The following SCHIP1 variants were observed in gnomAD, a reference collection of about 807,000 sequenced individuals.
SCHIP1 encodes schwannomin-interacting protein 1.
Under a neutral mutation model 29.7 loss-of-function variants are expected in SCHIP1, and 8 were observed. The observed-to-expected ratio is 0.27, with a 90% CI of 0.16 to 0.49. The LOEUF (loss-of-function observed/expected upper bound fraction) is 0.49, where lower values mean the gene tolerates loss of function less well. Ranked by LOEUF, SCHIP1 falls within the 20% of genes least tolerant of loss-of-function variation. The pLI is 0.99. For missense variants in SCHIP1, 193 were observed against 294.6 expected, an observed-to-expected ratio of 0.66 and a Z score of 2.52; for synonymous variants, 76 against 94.9, an observed-to-expected ratio of 0.80 and a Z score of 1.16.
the SCHIP1 span, among the ~76,000 whole-genome samples, chr3:159,508,145 C>A: frequency 4.6e-5 from 7 of 152,116 alleles, no homozygotes; most frequent in African/African-American, 1.7e-4. Flanking sequence ...AATTTCGGAG[C>A]CTGTTATTGG....
At chr3:159,557,062 A>G in the SCHIP1 span, among the ~76,000 whole-genome samples, 3 of 151,282 alleles carry the variant, frequency 2.0e-5, no homozygotes, top group African/African-American at 4.9e-5. Context: ...GGTTCACGCC[A>G]TTCTCCTGCC....
At chr3:159,462,157 T>C in the SCHIP1 span, among the ~76,000 whole-genome samples, 1 of 151,850 alleles carries the variant, frequency 6.6e-6, no homozygotes, top group Non-Finnish European at 1.5e-5. Flanking sequence ...TGCAGTGAGC[T>C]GAGATCGCAC....
At chr3:159,558,931 T>G in the SCHIP1 span, among the ~76,000 whole-genome samples, 1 of 152,072 alleles carries the variant, frequency 6.6e-6, no homozygotes, top group African/African-American at 2.4e-5. Flanking sequence ...ATAAATATAG[T>G]AATGAGCCCA....
the SCHIP1 span, among the ~76,000 whole-genome samples, chr3:159,461,965 T>A: frequency 6.6e-6 from 1 of 152,106 alleles, no homozygotes; most frequent in Non-Finnish European, 1.5e-5. Context: ...ATCCTAGCAC[T>A]TTGAAAGGCC....
At chr3:159,877,999 C>A (rs1716015973) in intron 2 of SCHIP1, among the ~76,000 whole-genome samples, 1 of 152,138 alleles carries the variant, frequency 6.6e-6, no homozygotes, top group Admixed American at 6.5e-5. Context: ...AAATATGTTT[C>A]TTGCTGCCCA....
the SCHIP1 span, among the ~76,000 whole-genome samples, chr3:159,512,700 A>G: frequency 1.3e-5 from 2 of 152,204 alleles, no homozygotes; most frequent in African/African-American, 4.8e-5. Context: ...TTTGAGTGAC[A>G]AACAATCCAA....
the SCHIP1 span, among the ~76,000 whole-genome samples, chr3:159,520,472 G>A: frequency 6.6e-6 from 1 of 152,192 alleles, no homozygotes; most frequent in Non-Finnish European, 1.5e-5. Context: ...TCTGACTTGT[G>A]TGAAGTCTAG....
chr3:159,750,908 A>G, the SCHIP1 span, among the ~76,000 whole-genome samples: 1 of 152,334 alleles, frequency 6.6e-6, no homozygotes, highest in East Asian at 1.9e-4. Flanking sequence ...CAAACAAAAA[A>G]AAATTCCCCT....
the SCHIP1 span, among the ~76,000 whole-genome samples, chr3:159,522,784 C>G: frequency 6.6e-6 from 1 of 152,072 alleles, no homozygotes; most frequent in Non-Finnish European, 1.5e-5. Flanking sequence ...CAGGAGAATC[C>G]CTTGAACCTG....
chr3:159,327,423 G>A, the SCHIP1 span, among the ~76,000 whole-genome samples: 3 of 152,028 alleles, frequency 2.0e-5, no homozygotes, highest in Non-Finnish European at 4.4e-5. Context: ...TGGAAATCCA[G>A]GCAATATTGA....
chr3:159,819,249 G>C, the SCHIP1 span, among the ~76,000 whole-genome samples: 1 of 152,030 alleles, frequency 6.6e-6, no homozygotes, highest in Non-Finnish European at 1.5e-5. Flanking sequence ...GGGGGAGAGA[G>C]AGAGAGGAAG....
At chr3:159,660,859 C>T in the SCHIP1 span, among the ~76,000 whole-genome samples, 1 of 152,126 alleles carries the variant, frequency 6.6e-6, no homozygotes, top group Non-Finnish European at 1.5e-5. Context: ...AGAAATCAGC[C>T]CACAGAATCA....
chr3:159,807,083 T>C, the SCHIP1 span, among the ~76,000 whole-genome samples: 1 of 152,228 alleles, frequency 6.6e-6, no homozygotes, highest in African/African-American at 2.4e-5. Flanking sequence ...ACATTTCAGT[T>C]GACAGATTTC....
chr3:159,887,856 A>G, exon 4 of SCHIP1: 1 of 1,614,058 alleles, frequency 6.2e-7, no homozygotes, highest in Non-Finnish European at 8.5e-7. Flanking sequence ...GCCAAAATGC[A>G]AGTAGAAGTG....
chr3:159,419,614 G>A, the SCHIP1 span, among the ~76,000 whole-genome samples: 1 of 152,092 alleles, frequency 6.6e-6, no homozygotes, highest in Non-Finnish European at 1.5e-5. Context: ...TCCAGGACCA[G>A]CCTGGCCAAC....
the SCHIP1 span, among the ~76,000 whole-genome samples, chr3:159,736,329 C>A: frequency 6.6e-6 from 1 of 152,204 alleles, no homozygotes; most frequent in South Asian, 2.1e-4. Flanking sequence ...TGGCTGTGTT[C>A]CTTAAAAATA....
the SCHIP1 span, among the ~76,000 whole-genome samples, chr3:159,690,011 T>C: frequency 2.0e-5 from 3 of 152,242 alleles, no homozygotes; most frequent in Admixed American, 1.3e-4. Flanking sequence ...AGTATTTTAT[T>C]GAGGATTTTC....
At chr3:159,616,854 A>T in the SCHIP1 span, among the ~76,000 whole-genome samples, 12 of 152,190 alleles carry the variant, frequency 7.9e-5, no homozygotes, top group African/African-American at 2.2e-4. Flanking sequence ...CTAGATCTGC[A>T]TTGTCCAATA....
the SCHIP1 span, among the ~76,000 whole-genome samples, chr3:159,769,855 A>G: frequency 6.6e-6 from 1 of 152,248 alleles, no homozygotes; most frequent in Non-Finnish European, 1.5e-5. Flanking sequence ...TGACATATGT[A>G]TGGCATATGT....
Sources: gnomAD v4.1 joint callset for allele counts (sites outside exome capture counted in the v4.1 genomes callset) on GRCh38, gnomAD v4.1.1 for gene constraint, MANE v1.5 for transcripts, NCBI Gene and HGNC (gene_info 2026-07-23, HGNC 2026-07-21) for gene names.